The following CALD1 variants were observed in gnomAD, a reference collection of about 807,000 sequenced individuals.
CALD1 encodes the protein caldesmon.
CALD1 carries 33 observed loss-of-function variants against 99.9 expected under a neutral mutation model. That is an observed-to-expected ratio of 0.33 (90% confidence interval 0.25 to 0.44). The LOEUF (loss-of-function observed/expected upper bound fraction) is 0.44, where lower values mean the gene tolerates loss of function less well. CALD1 is among the 20% of genes least tolerant of loss of function. The pLI, the probability that CALD1 is intolerant of heterozygous loss-of-function variation, is 1.00. For missense variants in CALD1, 861 were observed against 962.1 expected (o/e 0.89, Z 1.39); for synonymous variants, 310 against 325.0 (o/e 0.95, Z 0.50).
chr7:134,794,809 T>C (rs893071640), intron 1 of CALD1, among the ~76,000 whole-genome samples: 13 of 152,218 alleles, frequency 8.5e-5, no homozygotes, highest in African/African-American at 1.4e-4. Flanking sequence ...CAATAAACTT[T>C]TAGGCAACAA....
intron 7 of CALD1, among the ~76,000 whole-genome samples, chr7:134,944,231 G>T (rs144710450): frequency 1.3e-5 from 2 of 152,100 alleles, no homozygotes; most frequent in African/African-American, 4.8e-5. Context: ...CCTGTAACTG[G>T]CATGAGCCTA....
Position 134,817,531 on chromosome 7 carries a change from C to A in CALD1, c.-129-26353C>A, listed in dbSNP as rs542872336. 7.4e-4 allele frequency among the ~76,000 whole-genome samples: 112 copies of A among 152,224 alleles called. 1 individual carries two copies. Among genetic ancestry groups the A allele is most frequent in the Non-Finnish European group, 1.0e-4 (7 of 68,000 alleles). ...TAAAACAAGAAATAATTCATTACAA[C>A]CACGGGGTTCCTCTAAAAACTGTCC... On this transcript the variant is annotated intron_variant, in intron 1 of 14. Transcript: ENST00000361675.
chr7:134,725,729 C>G, the CALD1 span, among the ~76,000 whole-genome samples: 1 of 152,182 alleles, frequency 6.6e-6, no homozygotes, highest in Admixed American at 6.5e-5. Flanking sequence ...ATGTGATTAC[C>G]TTAAGGATCT....
At chr7:134,920,615 C>A (rs1327030277) in intron 3 of CALD1, 2 of 1,288,976 alleles carry the variant, frequency 1.6e-6, no homozygotes, top group African/African-American at 1.5e-5. Flanking sequence ...TCTCCATCGA[C>A]CAACACTGCC....
chr7:134,766,152 T>C (rs889729635), intron 1 of CALD1, among the ~76,000 whole-genome samples: 3 of 130,400 alleles, frequency 2.3e-5, no homozygotes, highest in South Asian at 2.7e-4. Context: ...TTTTTTTTTT[T>C]TTTTTTTTTT....
intron 3 of CALD1, among the ~76,000 whole-genome samples, chr7:134,923,020 A>T (rs1438056090): frequency 6.6e-6 from 1 of 152,234 alleles, no homozygotes; most frequent in Non-Finnish European, 1.5e-5. Context: ...CTACTCGTAC[A>T]ATCAAATAAC....
the CALD1 span, among the ~76,000 whole-genome samples, chr7:134,727,670 T>A: frequency 6.6e-6 from 1 of 152,224 alleles, no homozygotes; most frequent in African/African-American, 2.4e-5. Flanking sequence ...TTCCTTCACA[T>A]GCCGGCTCAG....
intron 1 of CALD1, among the ~76,000 whole-genome samples, chr7:134,750,185 G>A (rs903179477): frequency 2.6e-5 from 4 of 152,108 alleles, no homozygotes; most frequent in East Asian, 1.9e-4. Context: ...CACTGCCATT[G>A]CTGGGGTGAC....
chr7:134,773,989 G>A (rs1466924257), intron 1 of CALD1, among the ~76,000 whole-genome samples: 1 of 151,906 alleles, frequency 6.6e-6, no homozygotes, highest in African/African-American at 2.4e-5. Context: ...GCCAACATGG[G>A]GAAACCCCGT....
Position 134,867,765 on chromosome 7 carries a change from G to C in CALD1, c.32G>C (p.Arg11Thr), listed in dbSNP as rs775318552. MDDFERRREL[R>T]RQKREEMRLE... The stretch of plus-strand genomic sequence containing the variant: ...GATTTTGAGCGTCGCAGAGAACTTA[G>C]AAGGCAAAAGAGGGAGGAGATGCGA... The change falls in exon 3 of 15, where the codon AGA (arginine) becomes ACA (threonine). Residue 11 changes from arginine to threonine, a missense_variant. Around this residue, in one of 5 missense-constraint regions of CALD1, gnomAD observed 123 missense variants for 169.8 expected, o/e 0.72. Transcript: ENST00000361675. The C allele has an allele frequency of 6.2e-7, 1 of 1,610,808 alleles. No homozygotes were observed. Among genetic ancestry groups the C allele is most frequent in the Non-Finnish European group, 8.5e-7 (1 of 1,178,000 alleles).
upstream of CALD1, among the ~76,000 whole-genome samples, chr7:134,775,767 T>C (rs1796914263): frequency 6.6e-6 from 1 of 152,008 alleles, no homozygotes; most frequent in Non-Finnish European, 1.5e-5. Flanking sequence ...GGAGAATATA[T>C]ATCTTTACAA....
At chr7:134,874,492 G>A (rs1004683606) in intron 3 of CALD1, among the ~76,000 whole-genome samples, 6 of 152,190 alleles carry the variant, frequency 3.9e-5, no homozygotes, top group African/African-American at 1.4e-4. Flanking sequence ...TGAGAAACCA[G>A]CAGTGATGCT....
upstream of CALD1, among the ~76,000 whole-genome samples, chr7:134,742,377 G>A (rs1045319852): frequency 1.2e-4 from 19 of 152,194 alleles, no homozygotes; most frequent in Non-Finnish European, 2.2e-4. Flanking sequence ...TGAGATCTTT[G>A]GGGAAATGTG....
At chr7:134,890,890 C>T (rs1156763866) in intron 3 of CALD1, among the ~76,000 whole-genome samples, 3 of 152,240 alleles carry the variant, frequency 2.0e-5, no homozygotes, top group Non-Finnish European at 4.4e-5. Flanking sequence ...CATCTCTCTT[C>T]ATCCCTTTTC....
chr7:134,775,728 A>G (rs1356297409), upstream of CALD1, among the ~76,000 whole-genome samples: 7 of 152,102 alleles, frequency 4.6e-5, no homozygotes, highest in Admixed American at 4.6e-4. Flanking sequence ...AAAAAAAGAA[A>G]AGAATAATGA....
intron 2 of CALD1, among the ~76,000 whole-genome samples, chr7:134,857,344 T>C (rs1414002056): frequency 6.6e-6 from 1 of 151,692 alleles, no homozygotes; most frequent in Non-Finnish European, 1.5e-5. Flanking sequence ...TAATTTTTTG[T>C]ATTTTTAGTA....
intron 1 of CALD1, among the ~76,000 whole-genome samples, chr7:134,786,826 G>A (rs1404449408): frequency 6.6e-6 from 1 of 152,148 alleles, no homozygotes; most frequent in East Asian, 1.9e-4. Flanking sequence ...GCAAATTTAG[G>A]TTATACAATG....
intron 5 of CALD1, among the ~76,000 whole-genome samples, chr7:134,934,531 G>T (rs1375975747): frequency 1.3e-5 from 2 of 152,082 alleles, no homozygotes; most frequent in African/African-American, 2.4e-5. Context: ...TTAAAAAAAT[G>T]ATAAAAGCTG....
At chr7:134,727,399 A>T in the CALD1 span, among the ~76,000 whole-genome samples, 1 of 152,240 alleles carries the variant, frequency 6.6e-6, no homozygotes. Flanking sequence ...CAAAATTTTA[A>T]CAAATGGAGT....
Sources: allele counts gnomAD v4.1 joint callset (sites outside exome capture counted in the v4.1 genomes callset), GRCh38; gene constraint gnomAD v4.1.1; regional missense constraint gnomAD v4.1.1; transcripts MANE v1.5; gene names NCBI Gene and HGNC (gene_info 2026-07-23, HGNC 2026-07-21).